CENPW: variants seen among roughly 807,000 people sequenced by gnomAD.
CENPW encodes the protein centromere protein W, also known as cancer-up-regulated gene 2 protein.
A neutral mutation model predicts 11.1 loss-of-function variants in CENPW; 3 were observed. That is an observed-to-expected ratio of 0.27 (90% CI 0.12 to 0.70). CENPW has a LOEUF of 0.70. Ranked by LOEUF, CENPW falls within the 30% of genes least tolerant of loss-of-function variation. CENPW has a pLI of 0.77. For missense variants in CENPW, 100 were observed against 105.6 expected (o/e 0.95, Z 0.23); for synonymous variants, 38 against 42.0 (o/e 0.91, Z 0.37).
intron 1 of CENPW, among the ~76,000 whole-genome samples, chr6:126,341,191 C>G (rs1780300806): frequency 6.6e-6 from 1 of 152,194 alleles, no homozygotes; most frequent in South Asian, 2.1e-4. Context: ...ATACCTGGAA[C>G]ACATATTCCT....
chr6:126,399,565 ATC>A, the CENPW span, among the ~76,000 whole-genome samples: 795 of 151,688 alleles, frequency 5.2e-3, 9 homozygotes, highest in African/African-American at 0.017. Context: ...GCCATTTTAC[ATC>A]TGTTTTTCTT....
At chr6:126,463,109 G>A in the CENPW span, among the ~76,000 whole-genome samples, 4 of 152,016 alleles carry the variant, frequency 2.6e-5, no homozygotes, top group African/African-American at 7.2e-5. Flanking sequence ...AATTTACTTC[G>A]TGACATTATA....
the CENPW span, among the ~76,000 whole-genome samples, chr6:126,354,886 C>G: frequency 6.6e-6 from 1 of 152,106 alleles, no homozygotes; most frequent in African/African-American, 2.4e-5. Flanking sequence ...TCAACTGTTG[C>G]AATTTAATCC....
chr6:126,399,468 T>C, the CENPW span, among the ~76,000 whole-genome samples: 1 of 152,172 alleles, frequency 6.6e-6, no homozygotes, highest in Non-Finnish European at 1.5e-5. Context: ...AGAAAATCTA[T>C]TTTACGAAGT....
the CENPW span, among the ~76,000 whole-genome samples, chr6:126,422,494 C>T: frequency 6.6e-6 from 1 of 152,054 alleles, no homozygotes; most frequent in Non-Finnish European, 1.5e-5. Flanking sequence ...GTGTGCATCG[C>T]TGGTGTTTCT....
chr6:126,419,092 ATATAT>A, the CENPW span, among the ~76,000 whole-genome samples: 14 of 152,056 alleles, frequency 9.2e-5, no homozygotes, highest in African/African-American at 3.4e-4. Flanking sequence ...TAAAATATAT[ATATAT>A]TTTAAAAAGA....
the CENPW span, among the ~76,000 whole-genome samples, chr6:126,429,100 CAA>C: frequency 6.6e-6 from 1 of 151,876 alleles, no homozygotes; most frequent in Non-Finnish European, 1.5e-5. Context: ...TAAATTTTCC[CAA>C]GTTTTTTTTA....
At chr6:126,467,408 A>T in the CENPW span, among the ~76,000 whole-genome samples, 5 of 152,168 alleles carry the variant, frequency 3.3e-5, no homozygotes, top group Non-Finnish European at 7.4e-5. Flanking sequence ...CTTCTTACTC[A>T]ATAACGGTGC....
the CENPW span, among the ~76,000 whole-genome samples, chr6:126,404,177 C>A: frequency 1.3e-5 from 2 of 152,156 alleles, no homozygotes; most frequent in East Asian, 1.9e-4. Context: ...TGCTCACTGA[C>A]AATTTACCTG....
the CENPW span, among the ~76,000 whole-genome samples, chr6:126,387,908 A>C: frequency 6.6e-6 from 1 of 151,990 alleles, no homozygotes; most frequent in African/African-American, 2.4e-5. Context: ...CTTATGAAAC[A>C]TACTAGCCAG....
the CENPW span, among the ~76,000 whole-genome samples, chr6:126,435,068 T>G: frequency 6.6e-6 from 1 of 152,016 alleles, no homozygotes; most frequent in Non-Finnish European, 1.5e-5. Flanking sequence ...TTTTAAAATC[T>G]TTCATCTTGT....
intron 1 of CENPW, among the ~76,000 whole-genome samples, chr6:126,341,488 T>C (rs1441995028): frequency 6.6e-6 from 1 of 152,146 alleles, no homozygotes; most frequent in African/African-American, 2.4e-5. Flanking sequence ...ATCGCCCCTT[T>C]CCCCTTATTT....
chr6:126,361,171 G>T, the CENPW span, among the ~76,000 whole-genome samples: 1 of 152,182 alleles, frequency 6.6e-6, no homozygotes, highest in Non-Finnish European at 1.5e-5. Flanking sequence ...TTTTCACAGG[G>T]ATGTATATTA....
At chr6:126,452,616 T>C in the CENPW span, among the ~76,000 whole-genome samples, 1 of 150,898 alleles carries the variant, frequency 6.6e-6, no homozygotes, top group Admixed American at 6.6e-5. Flanking sequence ...TTTTAAAAAC[T>C]AAGAGCAGCC....
chr6:126,407,800 T>A, the CENPW span, among the ~76,000 whole-genome samples: 4 of 152,200 alleles, frequency 2.6e-5, no homozygotes, highest in Non-Finnish European at 4.4e-5. Flanking sequence ...CTTGTAAATT[T>A]GTTTAAGTTC....
the CENPW span, among the ~76,000 whole-genome samples, chr6:126,471,842 T>C: frequency 6.6e-6 from 1 of 152,260 alleles, no homozygotes; most frequent in African/African-American, 2.4e-5. Flanking sequence ...GATCTGGGAG[T>C]GCTCATCACA....
At chr6:126,434,539 A>G in the CENPW span, among the ~76,000 whole-genome samples, 5,591 of 152,056 alleles carry the variant, frequency 0.037, 146 homozygotes, top group Non-Finnish European at 0.054. Context: ...AGACATGTAC[A>G]ATTATGCTTA....
chr6:126,373,387 A>ATT, the CENPW span, among the ~76,000 whole-genome samples: 1 of 152,216 alleles, frequency 6.6e-6, no homozygotes, highest in African/African-American at 2.4e-5. Context: ...GTTTGCTAAG[A>ATT]TGTTAAGCCC....
chr6:126,354,799 G>A, the CENPW span, among the ~76,000 whole-genome samples: 1 of 151,978 alleles, frequency 6.6e-6, no homozygotes, highest in African/African-American at 2.4e-5. Flanking sequence ...ATATTATCTA[G>A]CTTTTTTAGT....
Sources: allele counts gnomAD v4.1 joint callset (sites outside exome capture counted in the v4.1 genomes callset), GRCh38; gene constraint gnomAD v4.1.1; transcripts MANE v1.5; gene names NCBI Gene and HGNC (gene_info 2026-07-23, HGNC 2026-07-21).